MTUS2: variants seen among roughly 807,000 people sequenced by gnomAD.
The protein encoded by MTUS2 is microtubule associated scaffold protein 2, also known as microtubule-associated tumor suppressor candidate 2.
A neutral mutation model predicts 114.1 loss-of-function variants in MTUS2; 40 were observed. The observed-to-expected ratio is 0.35, with a 90% confidence interval of 0.27 to 0.46. The LOEUF is 0.46. Ranked by LOEUF, MTUS2 falls within the 20% of genes least tolerant of loss-of-function variation. The probability of loss-of-function intolerance (pLI) is 1.00; values close to 1 mark genes in which losing one functional copy is unlikely to be tolerated. For missense variants in MTUS2, 1,679 were observed against 1,705.4 expected (o/e 0.98, Z 0.27); for synonymous variants, 688 against 672.0 (o/e 1.02, Z -0.37).
In MTUS2 at chr13:28,908,683, T is replaced by C. The variant is rs537078663; in HGVS notation, c.-243+68833T>C. On this transcript the variant is annotated intron_variant, in intron 2 of 15. Transcript: ENST00000612955. Reference sequence around the variant, plus strand: ...GTAATGGGATGGCTGGGTCAAATGGTATTTCTAGTTCTAGATCCCTGAGGA... The same window carrying C: ...GTAATGGGATGGCTGGGTCAAATGGCATTTCTAGTTCTAGATCCCTGAGGA... Among the ~76,000 whole-genome samples the C allele has an allele frequency of 5.7e-4, 86 of 151,432 alleles. 1 individual carries two copies. The highest frequency in any genetic ancestry group is 1.0e-3 in the Non-Finnish European group (71 of 67,908).
intron 5 of MTUS2, among the ~76,000 whole-genome samples, chr13:29,252,095 C>CTGAT (rs1178473551): frequency 2.6e-5 from 4 of 152,174 alleles, no homozygotes; most frequent in Admixed American, 2.0e-4. Flanking sequence ...AGAAATAAAA[C>CTGAT]TGATTTGCCT....
intron 9 of MTUS2, among the ~76,000 whole-genome samples, chr13:29,466,098 G>A (rs1281867576): frequency 1.3e-5 from 2 of 152,190 alleles, no homozygotes; most frequent in Non-Finnish European, 2.9e-5. Flanking sequence ...TTCCAATGCC[G>A]CTGTCTCAGA....
chr13:28,937,213 G>T (rs1881949046), intron 2 of MTUS2, among the ~76,000 whole-genome samples: 1 of 151,976 alleles, frequency 6.6e-6, no homozygotes, highest in Non-Finnish European at 1.5e-5. Context: ...AGCTAGGATT[G>T]TAAAATGCAC....
chr13:28,964,327 T>C (rs952597940), intron 2 of MTUS2, among the ~76,000 whole-genome samples: 1 of 152,212 alleles, frequency 6.6e-6, no homozygotes, highest in Non-Finnish European at 1.5e-5. Context: ...CCTACTCTAG[T>C]CCAAGCCACT....
intron 8 of MTUS2, among the ~76,000 whole-genome samples, chr13:29,373,966 G>T (rs1390172827): frequency 6.6e-6 from 1 of 152,166 alleles, no homozygotes; most frequent in Non-Finnish European, 1.5e-5. Flanking sequence ...GAATGCTTCA[G>T]GAAGTACAAG....
intron 8 of MTUS2, among the ~76,000 whole-genome samples, chr13:29,422,383 T>C (rs1469427577): frequency 6.6e-6 from 1 of 151,980 alleles, no homozygotes; most frequent in Non-Finnish European, 1.5e-5. Flanking sequence ...TGAGATACAG[T>C]GCACAAGCCG....
chr13:29,200,521 G>GGTTTTTTTTTTTTTTT (rs1309388936), intron 5 of MTUS2, among the ~76,000 whole-genome samples: 1 of 85,432 alleles, frequency 1.2e-5, no homozygotes, highest in African/African-American at 5.0e-5. Context: ...TTCTTTTTCT[G>GGTTTTTTTTTTTTTTT]TTTTTTTTTT....
intron 2 of MTUS2, among the ~76,000 whole-genome samples, chr13:29,023,791 T>C (rs779606004): frequency 6.6e-6 from 1 of 152,222 alleles, no homozygotes; most frequent in Non-Finnish European, 1.5e-5. Flanking sequence ...GATTATTGTC[T>C]CATGGTTAAA....
At chr13:29,176,550 A>G (rs970001398) in intron 5 of MTUS2, among the ~76,000 whole-genome samples, 7 of 152,190 alleles carry the variant, frequency 4.6e-5, no homozygotes, top group Non-Finnish European at 8.8e-5. Flanking sequence ...ACAGTTCTAA[A>G]GGCTGGGAAG....
chr13:28,907,422 T>A (rs1593290083), intron 2 of MTUS2, among the ~76,000 whole-genome samples: 1 of 151,650 alleles, frequency 6.6e-6, no homozygotes, highest in Non-Finnish European at 1.5e-5. Flanking sequence ...TAAATGTAAA[T>A]GGACTAAATG....
At chr13:29,047,663 G>A (rs1458430882) in intron 4 of MTUS2, among the ~76,000 whole-genome samples, 5 of 152,092 alleles carry the variant, frequency 3.3e-5, no homozygotes, top group South Asian at 2.1e-4. Flanking sequence ...ACAGGCGCCC[G>A]CCACCTCGCC....
chr13:28,940,023 C>A (rs1276288771), intron 2 of MTUS2, among the ~76,000 whole-genome samples: 1 of 152,136 alleles, frequency 6.6e-6, no homozygotes, highest in African/African-American at 2.4e-5. Context: ...GAAAGACCTG[C>A]CCCCTTGACT....
At chr13:29,354,103 C>T (rs866390867) in intron 7 of MTUS2, among the ~76,000 whole-genome samples, 3 of 152,348 alleles carry the variant, frequency 2.0e-5, no homozygotes, top group Non-Finnish European at 2.9e-5. Context: ...CCCTGCATCA[C>T]AGTTTGAAAA....
intron 8 of MTUS2, among the ~76,000 whole-genome samples, chr13:29,364,269 A>C (rs1042314007): frequency 2.0e-5 from 3 of 152,204 alleles, no homozygotes; most frequent in South Asian, 2.1e-4. Flanking sequence ...TTGGAAGAGC[A>C]GGATGGAGAG....
chr13:28,821,042 A>T (rs1873864224), intron 1 of MTUS2, among the ~76,000 whole-genome samples: 1 of 152,036 alleles, frequency 6.6e-6, no homozygotes, highest in South Asian at 2.1e-4. Flanking sequence ...GCACAGAAGG[A>T]ATTACAGGCA....
chr13:29,497,391 C>A, intron 13 of MTUS2, 55 bp downstream of exon 13: 1 of 1,459,640 alleles, frequency 6.9e-7, no homozygotes, highest in Non-Finnish European at 9.4e-7. Context: ...CCAGCAAGGC[C>A]GAGGGACTCC....
At chr13:29,143,952 C>T (rs751824247) in intron 5 of MTUS2, among the ~76,000 whole-genome samples, 5 of 152,174 alleles carry the variant, frequency 3.3e-5, no homozygotes, top group Non-Finnish European at 5.9e-5. Flanking sequence ...TATTGGAATG[C>T]AGAAGTGCCA....
At chr13:29,219,776 G>A (rs1895832100) in intron 5 of MTUS2, among the ~76,000 whole-genome samples, 1 of 152,140 alleles carries the variant, frequency 6.6e-6, no homozygotes, top group South Asian at 2.1e-4. Flanking sequence ...TAATGTTGTG[G>A]AGGAACCCAC....
chr13:29,497,173 G>C, intron 12 of MTUS2, 65 bp from the exon 13 acceptor site: 1 of 1,436,614 alleles, frequency 7.0e-7, no homozygotes, highest in Non-Finnish European at 9.8e-7. Context: ...GATCACAGCT[G>C]CCCAGGCTGT....
Sources: allele counts gnomAD v4.1 joint callset (sites outside exome capture counted in the v4.1 genomes callset), GRCh38; gene constraint gnomAD v4.1.1; transcripts MANE v1.5; gene names NCBI Gene and HGNC (gene_info 2026-07-23, HGNC 2026-07-21).